Variants in SPINK7 observed in about 807,000 individuals in gnomAD.
SPINK7 encodes the protein serine peptidase inhibitor Kazal type 7.
A neutral mutation model predicts 11.6 loss-of-function variants in SPINK7; 8 were observed. The observed-to-expected ratio is 0.69, with a 90% CI of 0.41 to 1.25. The LOEUF (loss-of-function observed/expected upper bound fraction) is 1.25. Among genes scored for constraint, SPINK7 ranks in the 50% most tolerant of loss-of-function variants. SPINK7 has a pLI of 0.01. For missense variants in SPINK7, 113 were observed against 99.3 expected, an observed-to-expected ratio of 1.14 and a Z score of -0.58; for synonymous variants, 38 against 35.3, an observed-to-expected ratio of 1.08 and a Z score of -0.27.
At position 148,312,522 on chromosome 5, in the gene SPINK7, G is replaced by A. The variant is rs781293859; in HGVS notation, c.39G>A (p.Val13=). Residue 13 remains valine (V), a synonymous_variant, in exon 1 of 4, where the codon GTG becomes GTA. Transcript: ENST00000274565. ...ITGGLLLLCT[V]VYFCSSSEAA... is the part of the protein sequence containing the mutation. ...GGGGTCTCCTTCTGCTCTGTACAGT[G>A]GTCTATTTCTGTAGCAGCTCAGGTA... The A allele has an allele frequency of 9.9e-6, 16 of 1,610,166 alleles. No homozygotes were observed. In the Admixed American group the frequency reaches 1.0e-4, roughly 10 times the overall value.
rs1174305294 is a variant in SPINK7 at position 148,313,912 on chromosome 5, G to A, written c.88-188G>A. 7 of 672,546 alleles carry A rather than the reference G, an allele frequency of 1.0e-5. No homozygotes were observed. The African/African-American group carries it at 1.3e-4, about 12-fold the overall frequency. The allele number at this position is 672,546 out of a possible 1,614,324, so 41.7% of individuals were successfully genotyped here. On this transcript the variant is annotated intron_variant, in intron 2 of 3. Transcript: ENST00000274565. The stretch of plus-strand genomic sequence containing the variant: ...GAAATGCCCAGCAATTGTTAACTGA[G>A]TGTAGCAGAAAAAAATAGAATACCA...
intron 1 of SPINK7, among the ~76,000 whole-genome samples, chr5:148,313,151 A>G (rs1756882094): frequency 1.3e-5 from 2 of 152,048 alleles, no homozygotes; most frequent in Admixed American, 1.3e-4. Flanking sequence ...CAATAAATAG[A>G]GGAAATTTTT....
In SPINK7 at chr5:148,315,720, C is replaced by CA. The variant is rs1756923668; in HGVS notation, c.*36_*37insA. Reference sequence around the variant, plus strand: ...GACATAGAGAGAAAGGAATGATATTCTCATCATCATCTTCATCATCCCAGG... The same window carrying CA: ...GACATAGAGAGAAAGGAATGATATTCATCATCATCATCTTCATCATCCCAGG... On this transcript the variant is annotated 3_prime_UTR_variant, in exon 4 of 4. Transcript: ENST00000274565. The CA allele has an allele frequency of 5.9e-6, 7 of 1,184,640 alleles. No homozygotes were observed. In the African/African-American group the frequency reaches 1.1e-4, roughly 18 times the overall value. The allele number at this position is 1,184,640 out of a possible 1,614,324, so 73.4% of individuals were successfully genotyped here. A position where few individuals can be genotyped will look rare whatever the true frequency, so the allele number is the denominator to read the frequency against.
At chr5:148,313,320 T>A (rs960697834) in intron 1 of SPINK7, 54 bp from the exon 2 acceptor site, 2 of 1,392,194 alleles carry the variant, frequency 1.4e-6, no homozygotes, top group African/African-American at 1.4e-5. Flanking sequence ...TATTAATTAA[T>A]GAGATTTAAA....
chr5:148,314,743 T>G (rs1756907836), intron 3 of SPINK7, among the ~76,000 whole-genome samples: 1 of 152,158 alleles, frequency 6.6e-6, no homozygotes. Flanking sequence ...AGCTTGATTC[T>G]TAGACAAAGT....
At chr5:148,314,702 T>C (rs1756907313) in intron 3 of SPINK7, among the ~76,000 whole-genome samples, 1 of 152,100 alleles carries the variant, frequency 6.6e-6, no homozygotes, top group African/African-American at 2.4e-5. Context: ...CTACCTGACT[T>C]AGATTCTAAG....
At chr5:148,315,526 C>A in intron 3 of SPINK7, 113 bp from the exon 4 acceptor site, 1 of 589,770 alleles carries the variant, frequency 1.7e-6, no homozygotes, top group East Asian at 2.7e-5. Context: ...ACTCAGTTTC[C>A]TTATCTGTAA....
rs1407152119 is a variant in SPINK7 at position 148,315,659 on chromosome 5, A to G, written c.233A>G (p.Gln78Arg). The change falls in exon 4 of 4, where the codon CAG (glutamine) becomes CGG (arginine). Residue 78 changes from glutamine (Q) to arginine (R), a missense_variant. Transcript: ENST00000274565. ...TESLKSNGRV[Q>R]FLHDGSC ...CTTAGGAAAAGTAATGGAAGAGTTC[A>G]GTTTCTTCACGATGGAAGTTGCTAA... 6.2e-7 allele frequency: 1 copy of G among 1,602,908 alleles called. No individual in the cohort carries two copies. Among genetic ancestry groups the G allele is most frequent in the African/African-American group, 1.3e-5 (1 of 74,708 alleles).
intron 2 of SPINK7, chr5:148,313,762 G>C: frequency 4.5e-6 from 2 of 440,292 alleles, no homozygotes; most frequent in Non-Finnish European, 8.0e-6. Flanking sequence ...TCTTCAACAA[G>C]TTATCTCTAT....
In SPINK7 at chr5:148,314,112, A is replaced by G; in HGVS notation, c.100A>G (p.Ile34Val). The G allele has an allele frequency of 6.2e-7, 1 of 1,613,786 alleles. No homozygotes were observed. The highest frequency in any genetic ancestry group is 1.3e-5 in the African/African-American group (1 of 75,000). ...SLSPKKVDCS[I>V]YKKYPVVAIP... The stretch of plus-strand genomic sequence containing the variant: ...GTATATGACACAGGTGGACTGCAGC[A>G]TTTACAAGAAGTATCCAGTGGTGGC... The change falls in exon 3 of 4, where the codon ATT (isoleucine) becomes GTT (valine). Residue 34 changes from isoleucine (I) to valine (V), a missense_variant. Coordinates refer to ENST00000274565, the MANE Select transcript of SPINK7 (RefSeq NM_032566.3).
At chr5:148,315,032 T>A (rs890088712) in intron 3 of SPINK7, among the ~76,000 whole-genome samples, 3 of 152,216 alleles carry the variant, frequency 2.0e-5, no homozygotes, top group Non-Finnish European at 4.4e-5. Flanking sequence ...GCTGTGATCA[T>A]CGTTAACTCT....
At chr5:148,313,911 A>T in intron 2 of SPINK7, 189 bp from the exon 3 acceptor site, 1 of 660,656 alleles carries the variant, frequency 1.5e-6, no homozygotes, top group Non-Finnish European at 2.6e-6. Context: ...TTGTTAACTG[A>T]GTGTAGCAGA....
chr5:148,312,590 T>TATGAAAACAA, intron 1 of SPINK7, 46 bp downstream of exon 1: 2 of 1,126,930 alleles, frequency 1.8e-6, no homozygotes, highest in Non-Finnish European at 2.6e-6. Flanking sequence ...TAAGATTGTT[T>TATGAAAACAA]TCATAAATAA....
chr5:148,314,897 C>T lies in SPINK7; in HGVS notation c.212+673C>T, dbSNP rs564908005. Among the ~76,000 whole-genome samples, 6 of 152,250 alleles carry T rather than the reference C, an allele frequency of 3.9e-5. No homozygotes were observed. In the South Asian group the frequency reaches 6.2e-4, roughly 16 times the overall value. On this transcript the variant is annotated intron_variant, in intron 3 of 3. Coordinates refer to ENST00000274565, the MANE Select transcript of SPINK7 (RefSeq NM_032566.3). ...TGTCAGTATTTGGACCAGAATACCA[C>T]GGACATGTTTTGTTTAGGTATTTTC...
rs1756898129 is a variant in SPINK7, at chr5:148,314,143, C to G, written c.131C>G (p.Pro44Arg). The change falls in exon 3 of 4, where the codon CCC (proline) becomes CGC (arginine). Residue 44 changes from proline (P) to arginine (R), a missense_variant. Transcript: ENST00000274565. ...AAGAAGTATCCAGTGGTGGCCATCC[C>G]CTGCCCCATCACATACCTACCAGTT... is the stretch of plus-strand genomic sequence containing the variant. The part of the protein sequence containing the change: ...IYKKYPVVAI[P>R]CPITYLPVCG... The G allele has an allele frequency of 6.2e-7, 1 of 1,613,642 alleles. No individual in the cohort carries two copies. Among genetic ancestry groups the G allele is most frequent in the Non-Finnish European group, 8.5e-7 (1 of 1,179,802 alleles).
intron 1 of SPINK7, among the ~76,000 whole-genome samples, chr5:148,313,149 A>G: frequency 6.6e-6 from 1 of 152,054 alleles, no homozygotes; most frequent in East Asian, 1.9e-4. Flanking sequence ...ATCAATAAAT[A>G]GAGGAAATTT....
chr5:148,314,863 G>C (rs868451759), intron 3 of SPINK7, among the ~76,000 whole-genome samples: 2 of 152,108 alleles, frequency 1.3e-5, no homozygotes, highest in Admixed American at 6.5e-5. Flanking sequence ...TAAAATAAGG[G>C]ATGCAAGCTG....
At chr5:148,313,828 G>T in intron 2 of SPINK7, 1 of 505,644 alleles carries the variant, frequency 2.0e-6, no homozygotes, top group Non-Finnish European at 3.5e-6. Flanking sequence ...ATTTACTCTA[G>T]TTGTTCTGAA....
At chr5:148,313,204 C>G (rs1353493931) in intron 1 of SPINK7, among the ~76,000 whole-genome samples, 170 bp from the exon 2 acceptor site, 1 of 152,006 alleles carries the variant, frequency 6.6e-6, no homozygotes, top group East Asian at 1.9e-4. Flanking sequence ...AACCCATTGG[C>G]CATTCAACTT....
Sources: gnomAD v4.1 joint callset for allele counts (sites outside exome capture counted in the v4.1 genomes callset) on GRCh38, gnomAD v4.1.1 for gene constraint, MANE v1.5 for transcripts, NCBI Gene and HGNC (gene_info 2026-07-23, HGNC 2026-07-21) for gene names.